Variants in SERPINB13 observed in about 807,000 individuals in gnomAD.
SERPINB13 encodes the protein serpin B13.
Under a neutral mutation model 31.2 loss-of-function variants are expected in SERPINB13, and 26 were observed. The ratio of observed to expected loss-of-function variants is 0.83; its 90% CI spans 0.61 to 1.15. The LOEUF (loss-of-function observed/expected upper bound fraction) is 1.15, where lower values mean the gene tolerates loss of function less well. Among genes scored for constraint, SERPINB13 ranks in the 50% most tolerant of loss-of-function variants. The pLI is 0.00. For synonymous variants in SERPINB13, 191 were observed against 172.4 expected, an observed-to-expected ratio of 1.11 and a Z score of -0.85; for missense variants, 510 against 469.4, an observed-to-expected ratio of 1.09 and a Z score of -0.80.
At position 63,595,124 on chromosome 18, in the gene SERPINB13, T is replaced by A; in HGVS notation, c.711T>A (p.Tyr237Ter). 1.9e-6 allele frequency: 3 copies of A among 1,614,122 alleles called. No homozygotes were observed. The highest frequency in any genetic ancestry group is 2.5e-6 in the Non-Finnish European group (3 of 1,179,994). The change falls in exon 7 of 8, where the codon TAT (tyrosine) becomes TAA (stop). Residue 237 changes from tyrosine to a stop codon, truncating the protein, a stop_gained. Coordinates refer to ENST00000344731, the MANE Select transcript of SERPINB13 (RefSeq NM_012397.4). LOFTEE classifies it high-confidence loss of function. ...AGGCCAAAATTCTAGGGATTCCATA[T>A]AAAAACAACGACCTAAGCATGTTTG... ...DLQAKILGIP[Y>*]KNNDLSMFVL... is the part of the protein sequence containing the mutation.
chr18:63,593,901 G>C (rs951472490), intron 5 of SERPINB13: 4 of 424,810 alleles, frequency 9.4e-6, no homozygotes, highest in African/African-American at 8.2e-5. Context: ...ATATTGAATG[G>C]TAAGCATAAT....
In SERPINB13 at chr18:63,591,783, G is replaced by A. The variant is rs184085873; in HGVS notation, c.226-565G>A. Among the ~76,000 whole-genome samples the A allele has an allele frequency of 3.7e-3, 568 of 151,728 alleles. 1 individual carries two copies. The highest frequency in any genetic ancestry group is 5.4e-3 in the Non-Finnish European group (367 of 67,948). ...GAAATAATGACATTCTAGATATGTC[G>A]TTAAGGTAACATAGAATATGAAAAC... On this transcript the variant is annotated intron_variant, in intron 3 of 7. Transcript: ENST00000344731.
chr18:63,597,134 A>G lies in SERPINB13; in HGVS notation c.947A>G (p.Tyr316Cys). 2.5e-6 allele frequency: 4 copies of G among 1,614,130 alleles called. No homozygotes were observed. Among genetic ancestry groups the G allele is most frequent in the Non-Finnish European group, 3.4e-6 (4 of 1,180,016 alleles). Residue 316 changes from tyrosine (Y) to cysteine (C), a missense_variant, in exon 8 of 8, where the codon TAC (tyrosine) becomes TGC (cysteine). Physicochemically the swap from Tyr to Cys is radical, Grantham distance 194. Transcript: ENST00000344731. Reference sequence around the variant, plus strand: ...GCCTTCAGTGAGCACAAAGCCGACTACTCGGGAATGTCGTCAGGCTCCGGG... The same window carrying G: ...GCCTTCAGTGAGCACAAAGCCGACTGCTCGGGAATGTCGTCAGGCTCCGGG... ...GDAFSEHKAD[Y>C]SGMSSGSGLY...
intron 5 of SERPINB13, 108 bp downstream of exon 5, chr18:63,593,079 T>TGCGTGGGGTG: frequency 1.4e-6 from 1 of 724,170 alleles, no homozygotes. Context: ...GACTTGTCAC[T>TGCGTGGGGTG]GCGTGGGGTG....
At position 63,595,902 on chromosome 18, in the gene SERPINB13, TTAAATAAATAAA is replaced by T. The variant is rs57781505; in HGVS notation, c.771+756_771+767del. 6.5e-3 allele frequency among the ~76,000 whole-genome samples: 931 copies of T among 142,998 alleles called. 2 individuals are homozygous for T. Among genetic ancestry groups the T allele is most frequent in the African/African-American group, 8.7e-3 (336 of 38,490 alleles). 93.8% of individuals were successfully genotyped at this position (142,998 alleles called of 152,430 possible). A position where few individuals can be genotyped will look rare whatever the true frequency, so the allele number is the denominator to read the frequency against. On this transcript the variant is annotated intron_variant, in intron 7 of 7. Coordinates refer to ENST00000344731, the MANE Select transcript of SERPINB13 (RefSeq NM_012397.4). Reference sequence around the variant, plus strand: ...GACAGAACGAGACTCTGTCTCAAAATTAAATAAATAAATAAATAAATAAATAAATAAATAAAT... The same window carrying T: ...GACAGAACGAGACTCTGTCTCAAAATTAAATAAATAAATAAATAAATAAAT...
chr18:63,590,121 G>T (rs140460270), intron 3 of SERPINB13: 523 of 158,778 alleles, frequency 3.3e-3, no homozygotes, highest in Non-Finnish European at 4.5e-3. Flanking sequence ...CCGCAGTAGG[G>T]GCATCTGGCA....
chr18:63,592,431 C>T lies in SERPINB13; in HGVS notation c.309C>T (p.Asn103=). 6.2e-7 allele frequency: 1 copy of T among 1,613,454 alleles called. No individual in the cohort carries two copies. The highest frequency in any genetic ancestry group is 8.5e-7 in the Non-Finnish European group (1 of 1,179,692). The change falls in exon 4 of 8, where the codon AAC becomes AAT. Residue 103 remains asparagine (N), a synonymous_variant. Coordinates refer to ENST00000344731, the MANE Select transcript of SERPINB13 (RefSeq NM_012397.4). ...AACTCACTAATGATTATGAACTGAA[C>T]ATAACCAACAGGCTGTTTGGAGAAA... ...ISKLTNDYEL[N]ITNRLFGEKT...
intron 2 of SERPINB13, 72 bp downstream of exon 2, chr18:63,588,904 T>C: frequency 4.1e-6 from 6 of 1,476,656 alleles, no homozygotes; most frequent in Non-Finnish European, 5.5e-6. Flanking sequence ...GTCAGCCCTC[T>C]TGCATTATCT....
Position 63,592,911 on chromosome 18 carries a change from G to T in SERPINB13, c.412G>T (p.Val138Leu). The T allele has an allele frequency of 6.2e-7, 1 of 1,613,536 alleles. No individual in the cohort carries two copies. The highest frequency in any genetic ancestry group is 8.5e-7 in the Non-Finnish European group (1 of 1,179,712). Residue 138 changes from valine (V) to leucine (L), a missense_variant, in exon 5 of 8, where the codon GTA becomes TTA. Coordinates refer to ENST00000344731, the MANE Select transcript of SERPINB13 (RefSeq NM_012397.4). ...YHASLEPVDFVNAADESRKKI... is the reference protein window; with the variant it reads ...YHASLEPVDFLNAADESRKKI... ...TGCATCTCTGGAACCTGTTGATTTT[G>T]TAAATGCAGCCGATGAAAGTCGAAA...
At chr18:63,594,809 A>T (rs1599451603) in intron 6 of SERPINB13, among the ~76,000 whole-genome samples, 1 of 152,184 alleles carries the variant, frequency 6.6e-6, no homozygotes, top group Non-Finnish European at 1.5e-5. Flanking sequence ...ACTGCACTCC[A>T]GCCTGGTGAC....
chr18:63,597,171 G>A lies in SERPINB13; in HGVS notation c.984G>A (p.Gln328=). 6.2e-7 allele frequency: 1 copy of A among 1,614,222 alleles called. No homozygotes were observed. Among genetic ancestry groups the A allele is most frequent in the East Asian group, 2.2e-5 (1 of 44,884 alleles). Residue 328 remains glutamine (Q), a synonymous_variant, in exon 8 of 8, where the codon CAG becomes CAA. Transcript: ENST00000344731. ...CGTCAGGCTCCGGGTTGTACGCCCA[G>A]AAGTTCCTGCACAGTTCCTTTGTGG... is the stretch of plus-strand genomic sequence containing the variant. ...GMSSGSGLYA[Q]KFLHSSFVAV...
chr18:63,588,234 T>A (rs944266943), intron 1 of SERPINB13, among the ~76,000 whole-genome samples: 5 of 152,182 alleles, frequency 3.3e-5, no homozygotes, highest in African/African-American at 1.2e-4. Context: ...TGGAGATTCT[T>A]GTGCCTACCC....
intron 3 of SERPINB13, 146 bp from the exon 4 acceptor site, chr18:63,592,202 T>C: frequency 1.3e-6 from 1 of 769,196 alleles, no homozygotes. Flanking sequence ...AAAGGCTACC[T>C]GATATCCAGG....
chr18:63,588,482 G>A (rs1160860311), intron 1 of SERPINB13, among the ~76,000 whole-genome samples, 169 bp from the exon 2 acceptor site: 2 of 152,346 alleles, frequency 1.3e-5, no homozygotes, highest in Middle Eastern at 3.4e-3. Flanking sequence ...CTCCCAGCAA[G>A]AGAAGGCCAA....
Position 63,598,758 on chromosome 18 carries a change from T to G in SERPINB13, c.*1395T>G, listed in dbSNP as rs896802271. The stretch of plus-strand genomic sequence containing the variant: ...CTTTGTGTTCACATATGTTTTCATT[T>G]CTGTTGGGGAGATTCCTAGGCTAGA... On this transcript the variant is annotated 3_prime_UTR_variant, in exon 8 of 8. Transcript: ENST00000344731. The G allele has an allele frequency of 6.6e-6, 1 of 152,226 alleles. No homozygotes were observed. The highest frequency in any genetic ancestry group is 2.4e-5 in the African/African-American group (1 of 41,462). 9.4% of individuals were successfully genotyped at this position (152,226 alleles called of 1,614,324 possible).
intron 7 of SERPINB13, among the ~76,000 whole-genome samples, chr18:63,596,486 A>T (rs568459947): frequency 6.6e-6 from 1 of 152,346 alleles, no homozygotes; most frequent in African/African-American, 2.4e-5. Flanking sequence ...TAAAGACTAA[A>T]TGTTTGTAAA....
chr18:63,591,884 C>T (rs1190897073), intron 3 of SERPINB13, among the ~76,000 whole-genome samples: 2 of 151,906 alleles, frequency 1.3e-5, no homozygotes, highest in African/African-American at 4.8e-5. Context: ...AAGGATAAAT[C>T]TCACTTCAGC....
intron 7 of SERPINB13, among the ~76,000 whole-genome samples, chr18:63,596,569 G>A (rs1280235064): frequency 6.6e-6 from 1 of 152,130 alleles, no homozygotes; most frequent in African/African-American, 2.4e-5. Context: ...TTGAAGATAG[G>A]AGAGATATGC....
At position 63,588,832 on chromosome 18, in the gene SERPINB13, G is replaced by A. The variant is rs760446244; in HGVS notation, c.165G>A (p.Glu55=). 7 of 1,613,390 alleles carry A rather than the reference G, an allele frequency of 4.3e-6. No individual in the cohort carries two copies. Among genetic ancestry groups the A allele is most frequent in the African/African-American group, 1.3e-5 (1 of 74,860 alleles). Residue 55 remains glutamate, a splice_region_variant and synonymous_variant, in exon 2 of 8, where the codon GAG becomes GAA. Transcript: ENST00000344731. ...GAGCCACCGCTTCCCAGTTGGAGGA[G>A]GTTGGGCGCAGTCAGGGGGCTTCCT... ...TRGATASQLE[E]VFHSEKETKS...
Sources: gnomAD v4.1 joint callset for allele counts (sites outside exome capture counted in the v4.1 genomes callset) on GRCh38, gnomAD v4.1.1 for gene constraint, MANE v1.5 for transcripts, NCBI Gene and HGNC (gene_info 2026-07-23, HGNC 2026-07-21) for gene names.